Variants in RNF7 observed in about 807,000 individuals in gnomAD.
RNF7 encodes ring finger protein 7, also known as RING-box protein 2.
In RNF7, 9 loss-of-function variants were observed where a neutral mutation model predicts 17.0. That is an observed-to-expected ratio of 0.53 (90% CI 0.32 to 0.92). The LOEUF (loss-of-function observed/expected upper bound fraction) is 0.92. Ranked by LOEUF, RNF7 falls within the 40% of genes least tolerant of loss-of-function variation. RNF7 has a pLI of 0.04. For missense variants in RNF7, 87 were observed against 145.8 expected (o/e 0.60, Z 2.08); for synonymous variants, 59 against 50.5 (o/e 1.17, Z -0.72).
At chr3:141,745,073 A>T in intron 2 of RNF7, 86 bp from the exon 3 acceptor site, 2 of 790,112 alleles carry the variant, frequency 2.5e-6, no homozygotes, top group South Asian at 3.6e-5. Flanking sequence ...CAAGATTATT[A>T]TTTGTAATAT....
chr3:141,742,812 T>A (rs970928724), intron 1 of RNF7: 9 of 1,205,076 alleles, frequency 7.5e-6, no homozygotes, highest in Non-Finnish European at 9.4e-6. Flanking sequence ...ATTGGAAGCA[T>A]ACAAAGCAGT....
intron 1 of RNF7, among the ~76,000 whole-genome samples, chr3:141,741,258 A>G (rs2084414041): frequency 6.6e-6 from 1 of 152,196 alleles, no homozygotes; most frequent in South Asian, 2.1e-4. Flanking sequence ...CATGATATTT[A>G]GGTGTTTGTC....
At chr3:141,740,826 AT>A (rs1390431882) in intron 1 of RNF7, among the ~76,000 whole-genome samples, 2 of 152,144 alleles carry the variant, frequency 1.3e-5, no homozygotes, top group Non-Finnish European at 2.9e-5. Context: ...TAATTTAGAG[AT>A]TCCTAAATTC....
intron 2 of RNF7, among the ~76,000 whole-genome samples, chr3:141,744,316 TCA>T (rs1375289398): frequency 6.6e-6 from 1 of 152,226 alleles, no homozygotes; most frequent in African/African-American, 2.4e-5. Flanking sequence ...TAGCCAATTT[TCA>T]TAGGCATTTT....
At chr3:141,742,301 A>G (rs2084427595) in intron 1 of RNF7, among the ~76,000 whole-genome samples, 2 of 138,556 alleles carry the variant, frequency 1.4e-5, no homozygotes, top group Admixed American at 1.7e-4. Context: ...ATCTCGGCTC[A>G]CTGCAAGCTC....
At chr3:141,741,010 A>C (rs1338597214) in intron 1 of RNF7, among the ~76,000 whole-genome samples, 1 of 152,200 alleles carries the variant, frequency 6.6e-6, no homozygotes, top group East Asian at 1.9e-4. Context: ...TGATGATTAC[A>C]CAGTGAGCAA....
intron 1 of RNF7, among the ~76,000 whole-genome samples, chr3:141,739,591 TGA>T (rs2084393731): frequency 1.3e-5 from 2 of 152,134 alleles, no homozygotes; most frequent in Admixed American, 6.5e-5. Context: ...TCTTGAAAAA[TGA>T]GAGAATTGGA....
intron 1 of RNF7, among the ~76,000 whole-genome samples, chr3:141,741,659 C>T (rs2084418542): frequency 6.6e-6 from 1 of 152,130 alleles, no homozygotes; most frequent in African/African-American, 2.4e-5. Context: ...CTAAAATATT[C>T]TATATTACTT....
intron 1 of RNF7, among the ~76,000 whole-genome samples, chr3:141,739,343 C>G (rs1330551043): frequency 6.6e-6 from 1 of 152,154 alleles, no homozygotes; most frequent in Non-Finnish European, 1.5e-5. Flanking sequence ...TGTCTTCTTT[C>G]TGTGATATTT....
Position 141,746,850 on chromosome 3 carries a change from A to G in RNF7, c.*1573A>G, listed in dbSNP as rs954849647. 5 of 152,184 alleles carry G rather than the reference A, an allele frequency of 3.3e-5. No individual in the cohort carries two copies. The highest frequency in any genetic ancestry group is 1.2e-4 in the African/African-American group (5 of 41,440). 9.4% of individuals were successfully genotyped at this position (152,184 alleles called of 1,614,324 possible). ...CACATTTCTCTGGAAATTTTTCTTT[A>G]TATTTTTTCACAGTTGTCTTTCTAG... On this transcript the variant is annotated 3_prime_UTR_variant, in exon 3 of 3. Coordinates refer to ENST00000273480, the MANE Select transcript of RNF7 (RefSeq NM_014245.5).
At chr3:141,744,596 A>C (rs1370337968) in intron 2 of RNF7, among the ~76,000 whole-genome samples, 1 of 152,214 alleles carries the variant, frequency 6.6e-6, no homozygotes, top group African/African-American at 2.4e-5. Flanking sequence ...CCAGCCAGCC[A>C]CTTTGAAAAT....
At chr3:141,744,463 T>A (rs1187239402) in intron 2 of RNF7, among the ~76,000 whole-genome samples, 3 of 152,274 alleles carry the variant, frequency 2.0e-5, no homozygotes, top group Admixed American at 1.3e-4. Context: ...GAGATTGCAT[T>A]CTAGATTGTG....
chr3:141,744,395 T>C (rs1217924019), intron 2 of RNF7, among the ~76,000 whole-genome samples: 1 of 152,200 alleles, frequency 6.6e-6, no homozygotes, highest in Admixed American at 6.5e-5. Flanking sequence ...TCATTTAATC[T>C]TTTTCTCTTG....
At chr3:141,741,271 C>T (rs762129668) in intron 1 of RNF7, among the ~76,000 whole-genome samples, 3 of 152,194 alleles carry the variant, frequency 2.0e-5, no homozygotes, top group Admixed American at 6.5e-5. Context: ...TGTTTGTCTA[C>T]GTCCCCATTT....
At chr3:141,739,588 A>C (rs1349487241) in intron 1 of RNF7, among the ~76,000 whole-genome samples, 2 of 152,226 alleles carry the variant, frequency 1.3e-5, no homozygotes, top group Non-Finnish European at 2.9e-5. Context: ...TTGTCTTGAA[A>C]AATGAGAGAA....
chr3:141,740,760 T>C (rs150861084), intron 1 of RNF7, among the ~76,000 whole-genome samples: 11 of 152,348 alleles, frequency 7.2e-5, no homozygotes, highest in Non-Finnish European at 1.2e-4. Flanking sequence ...TCTGAAACTT[T>C]AGGAATTTGT....
Position 141,738,345 on chromosome 3 carries a change from G to A in RNF7, c.4G>A (p.Ala2Thr), listed in dbSNP as rs780524737. The A allele has an allele frequency of 1.3e-6, 2 of 1,568,362 alleles. No homozygotes were observed. Among genetic ancestry groups the A allele is most frequent in the Admixed American group, 1.9e-5 (1 of 53,140 alleles). Residue 2 changes from alanine to threonine, a missense_variant, in exon 1 of 3, where the codon GCC becomes ACC. By Grantham distance (58) the Ala-to-Thr change is moderately conservative. Around this residue, in one of 2 missense-constraint regions of RNF7, gnomAD observed 51 missense variants for 41.0 expected, o/e 1.24. Coordinates refer to ENST00000273480, the MANE Select transcript of RNF7 (RefSeq NM_014245.5). ...CCGTCGGCTCCGCGGCGCCGCCATG[G>A]CCGACGTGGAAGACGGAGAGGAAAC... is the stretch of plus-strand genomic sequence containing the variant. Reference protein sequence around the residue: MADVEDGEETCA... With the variant: MTDVEDGEETCA...
chr3:141,738,588 G>T, intron 1 of RNF7, 72 bp downstream of exon 1: 1 of 1,464,744 alleles, frequency 6.8e-7, no homozygotes. Context: ...GGAAGGGACG[G>T]GCGTCCGTCA....
Position 141,743,489 on chromosome 3 carries a change from C to A in RNF7, c.176-20C>A, listed in dbSNP as rs199875302. On this transcript the variant is annotated intron_variant, in intron 1 of 2. Transcript: ENST00000273480. ...GCATTCTGAGCATCAGAATGAGAATCGCTATTTGTTTACTTTTAGATGCCT... is the reference window on the plus strand; with the variant it reads ...GCATTCTGAGCATCAGAATGAGAATAGCTATTTGTTTACTTTTAGATGCCT... The A allele has an allele frequency of 6.3e-7, 1 of 1,599,944 alleles. No individual in the cohort carries two copies. The highest frequency in any genetic ancestry group is 8.5e-7 in the Non-Finnish European group (1 of 1,170,876).
Sources: gnomAD v4.1 joint callset for allele counts (sites outside exome capture counted in the v4.1 genomes callset) on GRCh38, gnomAD v4.1.1 for gene constraint, gnomAD v4.1.1 regional missense constraint, MANE v1.5 for transcripts, NCBI Gene and HGNC (gene_info 2026-07-23, HGNC 2026-07-21) for gene names.